Variants in NALF1 observed in about 807,000 individuals in gnomAD.
The protein encoded by NALF1 is family with sequence similarity 155 member A.
NALF1 carries 3 observed loss-of-function variants against 48.4 expected under a neutral mutation model. That is an observed-to-expected ratio of 0.06 (90% confidence interval 0.03 to 0.16). NALF1 has a LOEUF of 0.16. Among genes scored for constraint, NALF1 ranks in the 10% least tolerant of loss-of-function variants. The pLI is 1.00. For missense variants in NALF1, 526 were observed against 571.5 expected (o/e 0.92, Z 0.81); for synonymous variants, 262 against 245.7 (o/e 1.07, Z -0.62).
At chr13:107,269,018 C>T (rs553504353) in intron 1 of NALF1, among the ~76,000 whole-genome samples, 1 of 152,014 alleles carries the variant, frequency 6.6e-6, no homozygotes, top group African/African-American at 2.4e-5. Flanking sequence ...CAGGAATAAA[C>T]TGGGAGTGGT....
chr13:107,668,993 A>T (rs1260280761), intron 1 of NALF1, among the ~76,000 whole-genome samples: 1 of 152,096 alleles, frequency 6.6e-6, no homozygotes, highest in Non-Finnish European at 1.5e-5. Flanking sequence ...GTCCTCAAAA[A>T]TTCTTGCTTT....
intron 1 of NALF1, among the ~76,000 whole-genome samples, chr13:107,606,506 C>T (rs1879074659): frequency 6.6e-6 from 1 of 152,026 alleles, no homozygotes. Context: ...GCTGGGATTA[C>T]AGGTGCCAGC....
intron 1 of NALF1, among the ~76,000 whole-genome samples, chr13:107,769,500 T>G (rs1221575068): frequency 1.2e-3 from 146 of 126,118 alleles, no homozygotes; most frequent in African/African-American, 4.1e-3. Flanking sequence ...TGAGATCACA[T>G]GGACACAGGA....
At chr13:107,542,801 G>C (rs1297058766) in intron 1 of NALF1, among the ~76,000 whole-genome samples, 1 of 152,054 alleles carries the variant, frequency 6.6e-6, no homozygotes, top group Non-Finnish European at 1.5e-5. Context: ...ATTTTTCTTA[G>C]AAAATCTATT....
Position 107,302,573 on chromosome 13 carries a change from G to C in NALF1, c.916-91818C>G, listed in dbSNP as rs1278965737. 2.0e-5 allele frequency among the ~76,000 whole-genome samples: 3 copies of C among 152,256 alleles called. No individual in the cohort carries two copies. The East Asian group carries it at 5.8e-4, about 29-fold the overall frequency. On this transcript the variant is annotated intron_variant, in intron 1 of 2. Transcript: ENST00000375915. ...AACACTGGGGCTCCAATGGAAATGA[G>C]AGGGGAAAATATCAGTTTAGCATCT...
intron 1 of NALF1, among the ~76,000 whole-genome samples, chr13:107,289,006 C>T (rs952069027): frequency 3.3e-5 from 5 of 151,576 alleles, no homozygotes; most frequent in Non-Finnish European, 7.4e-5. Context: ...ATGAAAAAAA[C>T]TATGTGAAAC....
At chr13:107,759,914 G>T (rs1877219027) in intron 1 of NALF1, among the ~76,000 whole-genome samples, 1 of 152,224 alleles carries the variant, frequency 6.6e-6, no homozygotes, top group South Asian at 2.1e-4. Flanking sequence ...TTGTTCTTCA[G>T]GGTACGTGAA....
intron 1 of NALF1, among the ~76,000 whole-genome samples, chr13:107,610,781 G>A (rs762993531): frequency 7.2e-5 from 11 of 152,164 alleles, no homozygotes; most frequent in African/African-American, 2.2e-4. Flanking sequence ...ACCTACGTCC[G>A]TTGTGAAAAA....
intron 1 of NALF1, among the ~76,000 whole-genome samples, chr13:107,566,599 G>A (rs1366121256): frequency 2.6e-5 from 4 of 152,170 alleles, no homozygotes; most frequent in African/African-American, 2.4e-5. Flanking sequence ...AAAGGGGTTC[G>A]CACGGTAACA....
At chr13:107,445,829 G>T (rs1330919584) in intron 1 of NALF1, among the ~76,000 whole-genome samples, 1 of 151,890 alleles carries the variant, frequency 6.6e-6, no homozygotes, top group Non-Finnish European at 1.5e-5. Flanking sequence ...TTGGTGATGA[G>T]CAGAAAAAAA....
At chr13:107,426,289 G>C (rs1051442813) in intron 1 of NALF1, among the ~76,000 whole-genome samples, 1 of 152,182 alleles carries the variant, frequency 6.6e-6, no homozygotes, top group African/African-American at 2.4e-5. Flanking sequence ...TGTAGAATGA[G>C]GTTTCTTTCC....
chr13:107,299,829 G>A lies in NALF1; in HGVS notation c.916-89074C>T, dbSNP rs560394806. Among the ~76,000 whole-genome samples the A allele has an allele frequency of 4.6e-5, 7 of 152,102 alleles. No homozygotes were observed. The East Asian group carries it at 1.2e-3, about 25-fold the overall frequency. On this transcript the variant is annotated intron_variant, in intron 1 of 2. Coordinates refer to ENST00000375915, the MANE Select transcript of NALF1 (RefSeq NM_001080396.3). ...CTTAATTGTCCTACTTTGTCCCTGG[G>A]AATTTCTCCTGTTCATCTGGCTTTC...
At chr13:107,395,703 C>T (rs940688378) in intron 1 of NALF1, among the ~76,000 whole-genome samples, 3 of 152,214 alleles carry the variant, frequency 2.0e-5, no homozygotes, top group East Asian at 1.9e-4. Context: ...ACAGTTCTTG[C>T]GGCTGGAAAT....
chr13:107,626,533 A>G (rs1879678175), intron 1 of NALF1, among the ~76,000 whole-genome samples: 1 of 152,166 alleles, frequency 6.6e-6, no homozygotes, highest in African/African-American at 2.4e-5. Context: ...CCATCAATGG[A>G]TGAATGGATG....
At chr13:107,821,401 G>A (rs560188128) in intron 1 of NALF1, among the ~76,000 whole-genome samples, 17 of 152,228 alleles carry the variant, frequency 1.1e-4, no homozygotes, top group Admixed American at 9.2e-4. Flanking sequence ...CTGAGATGAC[G>A]CACCCTTTGA....
intron 1 of NALF1, among the ~76,000 whole-genome samples, chr13:107,747,881 T>C (rs954320125): frequency 1.3e-5 from 2 of 152,174 alleles, no homozygotes; most frequent in East Asian, 3.8e-4. Flanking sequence ...TCATACTAAA[T>C]GTAATTATTT....
chr13:107,688,960 G>A (rs1490073794), intron 1 of NALF1, among the ~76,000 whole-genome samples: 1 of 152,196 alleles, frequency 6.6e-6, no homozygotes, highest in East Asian at 1.9e-4. Context: ...ATGAGAAGCA[G>A]GAGGGCACAT....
At chr13:107,259,443 G>A (rs1229806755) in intron 1 of NALF1, among the ~76,000 whole-genome samples, 1 of 152,158 alleles carries the variant, frequency 6.6e-6, no homozygotes, top group Non-Finnish European at 1.5e-5. Context: ...AGCCTCTGGG[G>A]TCTTGCAGAT....
chr13:107,411,950 A>G (rs908571090), intron 1 of NALF1, among the ~76,000 whole-genome samples: 3 of 152,124 alleles, frequency 2.0e-5, no homozygotes, highest in Admixed American at 6.5e-5. Flanking sequence ...GGCAGTGAGG[A>G]GGCTAACATG....
Sources: allele counts gnomAD v4.1 joint callset (sites outside exome capture counted in the v4.1 genomes callset), GRCh38; gene constraint gnomAD v4.1.1; transcripts MANE v1.5; gene names NCBI Gene and HGNC (gene_info 2026-07-23, HGNC 2026-07-21).